Variants in CSMD1 observed in about 807,000 individuals in gnomAD.
CSMD1 encodes the protein CUB and sushi domain-containing protein 1.
CSMD1 carries 213 observed loss-of-function variants against 417.5 expected under a neutral mutation model. That is an observed-to-expected ratio of 0.51 (90% CI 0.46 to 0.57). The LOEUF (loss-of-function observed/expected upper bound fraction) is 0.57. Among genes scored for constraint, CSMD1 ranks in the 20% least tolerant of loss-of-function variants. CSMD1 has a pLI of 0.00. For missense variants in CSMD1, 6,923 were observed against 4,529.7 expected (o/e 1.53, Z -15.17); for synonymous variants, 2,862 against 1,736.8 (o/e 1.65, Z -16.11).
intron 7 of CSMD1, among the ~76,000 whole-genome samples, chr8:3,671,079 ACATATAAG>A: frequency 7.3e-6 from 1 of 137,302 alleles, no homozygotes; most frequent in African/African-American, 2.5e-5. Context: ...TGGGATATAT[ACATATAAG>A]GGATATATAT....
chr8:4,720,973 C>A lies in CSMD1; in HGVS notation c.86-83415G>T, dbSNP rs367594949. Among the ~76,000 whole-genome samples, 217 of 152,128 alleles carry A rather than the reference C, an allele frequency of 1.4e-3. 6 individuals carry two copies. In the South Asian group the frequency reaches 0.04, roughly 28 times the overall value. ...CTTAAGCTTGCCCTGCCTACTTCAC[C>A]GGAAGACAATTTTTATTTGAATGGA... On this transcript the variant is annotated intron_variant, in intron 1 of 69. Coordinates refer to ENST00000635120, the MANE Select transcript of CSMD1 (RefSeq NM_033225.6).
At chr8:3,770,395 G>A (rs1231832947) in intron 5 of CSMD1, among the ~76,000 whole-genome samples, 1 of 152,106 alleles carries the variant, frequency 6.6e-6, no homozygotes, top group African/African-American at 2.4e-5. Flanking sequence ...CAGGCACGGT[G>A]GTGCGTGCCT....
intron 3 of CSMD1, among the ~76,000 whole-genome samples, chr8:4,097,239 G>C (rs984029644): frequency 6.6e-6 from 1 of 152,100 alleles, no homozygotes; most frequent in Non-Finnish European, 1.5e-5. Context: ...CCCTTTTGTA[G>C]TACAAAGAAC....
chr8:3,453,704 C>A (rs187675744), intron 12 of CSMD1, among the ~76,000 whole-genome samples: 83 of 152,254 alleles, frequency 5.5e-4, no homozygotes, highest in African/African-American at 2.0e-3. Context: ...TGTACTTTTA[C>A]ATTTGCTGAG....
intron 7 of CSMD1, 145 bp from the exon 8 acceptor site, chr8:3,616,942 T>C (rs1802170074): frequency 2.0e-6 from 1 of 506,568 alleles, no homozygotes; most frequent in Non-Finnish European, 3.5e-6. Context: ...CTTAAATACA[T>C]TCAAATAAGT....
chr8:4,329,379 C>G (rs1356513460), intron 3 of CSMD1, among the ~76,000 whole-genome samples: 1 of 152,244 alleles, frequency 6.6e-6, no homozygotes, highest in Admixed American at 6.5e-5. Flanking sequence ...ACCTCTGTCT[C>G]CCAGGTACAA....
chr8:4,204,234 T>G (rs1329822319), intron 3 of CSMD1, among the ~76,000 whole-genome samples: 3 of 152,154 alleles, frequency 2.0e-5, no homozygotes, highest in African/African-American at 4.8e-5. Flanking sequence ...AACATCCTCT[T>G]TTTTCTAATA....
rs1462812041 is a variant in CSMD1 at position 3,157,877 on chromosome 8, T to G, written c.5914+20A>C. 1.3e-6 allele frequency: 2 copies of G among 1,546,324 alleles called. No individual in the cohort carries two copies. The highest frequency in any genetic ancestry group is 1.8e-6 in the Non-Finnish European group (2 of 1,141,850). ...CCCAGTGTGTGCGCAGCAGCAGAGTTACAGAAGGTGCATCCTTACCAATGC... is the reference window on the plus strand; with the variant it reads ...CCCAGTGTGTGCGCAGCAGCAGAGTGACAGAAGGTGCATCCTTACCAATGC... On this transcript the variant is annotated intron_variant, in intron 39 of 69. Coordinates refer to ENST00000635120, the MANE Select transcript of CSMD1 (RefSeq NM_033225.6).
chr8:4,055,824 AT>A (rs140123215), intron 3 of CSMD1, among the ~76,000 whole-genome samples: 5,833 of 152,212 alleles, frequency 0.038, 350 homozygotes, highest in African/African-American at 0.12. Context: ...AGAAGTGTTG[AT>A]TTTACAGTTG....
At chr8:4,545,651 C>G (rs1423025024) in intron 2 of CSMD1, among the ~76,000 whole-genome samples, 6 of 152,068 alleles carry the variant, frequency 3.9e-5, no homozygotes, top group South Asian at 2.1e-4. Flanking sequence ...GTAAGACACC[C>G]TAGGAGTTTC....
rs553113075 is a variant in CSMD1, at chr8:3,760,832, C to T, written c.819-6790G>A. On this transcript the variant is annotated intron_variant, in intron 5 of 69. Coordinates refer to ENST00000635120, the MANE Select transcript of CSMD1 (RefSeq NM_033225.6). The stretch of plus-strand genomic sequence containing the variant: ...ATGACTCAGAAGCCAGAAAGCATTA[C>T]TGCTATTGGGAGAGGCTTTAAATGA... Among the ~76,000 whole-genome samples the T allele has an allele frequency of 2.6e-5, 4 of 152,282 alleles. No homozygotes were observed. In the South Asian group the frequency reaches 8.3e-4, roughly 32 times the overall value.
At chr8:4,657,827 A>C (rs1804340546) in intron 1 of CSMD1, among the ~76,000 whole-genome samples, 1 of 152,018 alleles carries the variant, frequency 6.6e-6, no homozygotes, top group Non-Finnish European at 1.5e-5. Context: ...GAAACCATAG[A>C]CAAAAAGGTC....
intron 3 of CSMD1, among the ~76,000 whole-genome samples, chr8:4,073,063 A>G (rs1204866537): frequency 6.6e-6 from 1 of 152,204 alleles, no homozygotes; most frequent in Non-Finnish European, 1.5e-5. Flanking sequence ...GTCAATATTC[A>G]TTCTGGTTTT....
chr8:4,492,319 G>A (rs1451968403), intron 2 of CSMD1, among the ~76,000 whole-genome samples: 4 of 152,090 alleles, frequency 2.6e-5, no homozygotes, highest in South Asian at 2.1e-4. Flanking sequence ...CAAACTCCTC[G>A]CCTCAGGTGA....
chr8:3,693,016 G>A (rs1179021355), intron 7 of CSMD1, among the ~76,000 whole-genome samples: 1 of 151,840 alleles, frequency 6.6e-6, no homozygotes, highest in South Asian at 2.1e-4. Flanking sequence ...TATTATATTG[G>A]TAAACTCTTA....
intron 26 of CSMD1, among the ~76,000 whole-genome samples, chr8:3,242,411 A>G (rs1176132748): frequency 2.0e-5 from 3 of 152,004 alleles, no homozygotes; most frequent in Admixed American, 2.0e-4. Flanking sequence ...GATGAGTTGC[A>G]TGGGAACAGA....
At chr8:4,596,831 C>A (rs1444600358) in intron 2 of CSMD1, among the ~76,000 whole-genome samples, 1 of 152,128 alleles carries the variant, frequency 6.6e-6, no homozygotes, top group East Asian at 1.9e-4. Context: ...GGGAGGGACC[C>A]AGGGGGAGGT....
At chr8:3,834,195 T>A (rs138330847) in intron 5 of CSMD1, among the ~76,000 whole-genome samples, 504 of 152,346 alleles carry the variant, frequency 3.3e-3, no homozygotes, top group Admixed American at 6.8e-3. Context: ...ACAGTTATTT[T>A]AAAATTTTTT....
intron 7 of CSMD1, among the ~76,000 whole-genome samples, chr8:3,684,445 TAAC>T (rs528594619): frequency 8.7e-4 from 131 of 150,680 alleles, no homozygotes; most frequent in Non-Finnish European, 1.3e-3. Flanking sequence ...TCATAGTACT[TAAC>T]AATTTTATTT....
Sources: gnomAD v4.1 joint callset for allele counts (sites outside exome capture counted in the v4.1 genomes callset) on GRCh38, gnomAD v4.1.1 for gene constraint, MANE v1.5 for transcripts, NCBI Gene and HGNC (gene_info 2026-07-23, HGNC 2026-07-21) for gene names.